The following TRPM7 variants were observed in gnomAD, a reference collection of about 807,000 sequenced individuals.
The protein encoded by TRPM7 is transient receptor potential cation channel subfamily M member 7, also known as LTRPC ion channel family member 7.
In TRPM7, 134 loss-of-function variants were observed where a neutral mutation model predicts 229.7. The ratio of observed to expected loss-of-function variants is 0.58; its 90% CI spans 0.51 to 0.67. The LOEUF is 0.67. Ranked by LOEUF, TRPM7 falls within the 30% of genes least tolerant of loss-of-function variation. The pLI, the probability that TRPM7 is intolerant of heterozygous loss-of-function variation, is 0.00. For synonymous variants in TRPM7, 699 were observed against 715.2 expected (o/e 0.98, Z 0.36); for missense variants, 1,901 against 2,210.0 (o/e 0.86, Z 2.80).
intron 26 of TRPM7, among the ~76,000 whole-genome samples, chr15:50,591,280 T>C (rs948094264): frequency 6.6e-6 from 1 of 152,220 alleles, no homozygotes; most frequent in African/African-American, 2.4e-5. Context: ...GTCATCTATT[T>C]ATAGGGCACT....
At chr15:50,677,483 A>G (rs2140973115) in intron 1 of TRPM7, among the ~76,000 whole-genome samples, 1 of 152,116 alleles carries the variant, frequency 6.6e-6, no homozygotes, top group Non-Finnish European at 1.5e-5. Flanking sequence ...GCTCACACCT[A>G]TAATCCCAGC....
chr15:50,588,245 C>T lies in TRPM7; in HGVS notation c.4389+1347G>A, dbSNP rs914631423. The T allele has an allele frequency of 1.6e-5, 16 of 984,794 alleles. No individual in the cohort carries two copies. The African/African-American group carries it at 2.8e-4, about 17-fold the overall frequency. 61.0% of individuals were successfully genotyped at this position (984,794 alleles called of 1,614,324 possible). A position where few individuals can be genotyped will look rare whatever the true frequency, so the allele number is the denominator to read the frequency against. On this transcript the variant is annotated intron_variant, in intron 27 of 38. Coordinates refer to ENST00000646667, the MANE Select transcript of TRPM7 (RefSeq NM_017672.6). The stretch of plus-strand genomic sequence containing the variant: ...TAATCACATTTCTTACATCATTCTG[C>T]TGCTCCTATTTGAGGTAAGAAAATT...
In TRPM7 at chr15:50,604,717, CTT is replaced by C. The variant is rs2140434303; in HGVS notation, c.2988+147_2988+148del. 5.3e-6 allele frequency: 4 copies of C among 753,252 alleles called. No individual in the cohort carries two copies. In the South Asian group the frequency reaches 6.1e-5, roughly 11 times the overall value. The allele number at this position is 753,252 out of a possible 1,614,324, so 46.7% of individuals were successfully genotyped here. On this transcript the variant is annotated intron_variant, in intron 21 of 38. Coordinates refer to ENST00000646667, the MANE Select transcript of TRPM7 (RefSeq NM_017672.6). ...GGATTGGGATTGAGCATGAGAAACTCTTAAGGAATGGCAGATGTGAAGTATGA... is the reference window on the plus strand; with the variant it reads ...GGATTGGGATTGAGCATGAGAAACTCAAGGAATGGCAGATGTGAAGTATGA...
chr15:50,619,763 A>G lies in TRPM7; in HGVS notation c.1476T>C (p.Leu492=), dbSNP rs745813131. 1 of 1,597,422 alleles carries G rather than the reference A, an allele frequency of 6.3e-7. No individual in the cohort carries two copies. Among genetic ancestry groups the G allele is most frequent in the Non-Finnish European group, 8.5e-7 (1 of 1,175,136 alleles). ...CTCTTACCTGTTTGACGTCTCGAACAAGATGAAACAGCATTGGATTAGTTG... is the reference window on the plus strand; with the variant it reads ...CTCTTACCTGTTTGACGTCTCGAACGAGATGAAACAGCATTGGATTAGTTG... The part of the protein sequence containing the change: ...QGPTNPMLFH[L]VRDVKQGNLP... Residue 492 remains leucine (L), a synonymous_variant, in exon 13 of 39, where the codon CTT becomes CTC. Transcript: ENST00000646667.
chr15:50,641,154 T>G (rs956002408), intron 5 of TRPM7, among the ~76,000 whole-genome samples: 1 of 152,166 alleles, frequency 6.6e-6, no homozygotes, highest in Non-Finnish European at 1.5e-5. Context: ...CCGAGTGATC[T>G]TTGCAGCTGT....
intron 27 of TRPM7, among the ~76,000 whole-genome samples, chr15:50,589,384 T>C (rs1489154987): frequency 1.3e-5 from 2 of 151,260 alleles, no homozygotes; most frequent in South Asian, 2.1e-4. Flanking sequence ...TTAGTGAGTA[T>C]AATTACGCAA....
chr15:50,669,022 A>T (rs1056139283), intron 1 of TRPM7, among the ~76,000 whole-genome samples: 1 of 152,170 alleles, frequency 6.6e-6, no homozygotes, highest in African/African-American at 2.4e-5. Flanking sequence ...CTGACCTGTG[A>T]TAAGTTAAGA....
chr15:50,651,644 A>G (rs1596308241), intron 3 of TRPM7, among the ~76,000 whole-genome samples: 1 of 152,066 alleles, frequency 6.6e-6, no homozygotes, highest in East Asian at 1.9e-4. Flanking sequence ...CGAAAAAATT[A>G]AAGAAAAAAT....
Position 50,574,356 on chromosome 15 carries a change from A to G in TRPM7, c.5226T>C (p.Asn1742=). Residue 1742 remains asparagine (N), a synonymous_variant, in exon 36 of 39, where the codon AAT becomes AAC. Transcript: ENST00000646667. ...AGGCTAGCATGATCTCTTCCAGAGT[A>G]TTAGTTGGAATAATCTCATCTCCAT... is the stretch of plus-strand genomic sequence containing the variant. The part of the protein sequence containing the change: ...NNNGDEIIPT[N]TLEEIMLAFS... The G allele has an allele frequency of 6.2e-7, 1 of 1,613,998 alleles. No homozygotes were observed. Among genetic ancestry groups the G allele is most frequent in the East Asian group, 2.2e-5 (1 of 44,856 alleles).
chr15:50,618,834 A>C (rs2060306918), intron 13 of TRPM7, among the ~76,000 whole-genome samples: 1 of 152,062 alleles, frequency 6.6e-6, no homozygotes, highest in African/African-American at 2.4e-5. Context: ...GTCCATAGGT[A>C]CCCATTGTCT....
At chr15:50,576,007 G>T in intron 31 of TRPM7, 88 bp from the exon 32 acceptor site, 2 of 1,352,568 alleles carry the variant, frequency 1.5e-6, no homozygotes, top group South Asian at 1.3e-5. Flanking sequence ...AAATCATTTT[G>T]AATTTCCATA....
At chr15:50,603,561 T>C (rs1040232976) in intron 21 of TRPM7, among the ~76,000 whole-genome samples, 1 of 146,930 alleles carries the variant, frequency 6.8e-6, no homozygotes, top group African/African-American at 2.5e-5. Flanking sequence ...GAACATGCGG[T>C]GTTTGGTTTT....
At chr15:50,566,534 A>AAGT (rs1464057546) in intron 38 of TRPM7, among the ~76,000 whole-genome samples, 1 of 152,110 alleles carries the variant, frequency 6.6e-6, no homozygotes, top group African/African-American at 2.4e-5. Flanking sequence ...TGACTCTACT[A>AAGT]AAAGTAACAA....
rs779728122 is a variant in TRPM7 at position 50,605,045 on chromosome 15, T to C, written c.2809A>G (p.Ile937Val). Residue 937 changes from isoleucine (I) to valine (V), a missense_variant, in exon 21 of 39, where the codon ATT becomes GTT. This residue lies in a region of TRPM7 where 207 missense variants were observed against 241.5 expected (regional missense o/e 0.86). Coordinates refer to ENST00000646667, the MANE Select transcript of TRPM7 (RefSeq NM_017672.6). ...SDTIAIISFF[I>V]GFGLRFGAKW... is the part of the protein sequence containing the mutation. ...GCTCCAAATCTTAGTCCAAATCCAA[T>C]GAAGAAAGAAATTATGGCAATTGTA... The C allele has an allele frequency of 3.7e-6, 6 of 1,613,868 alleles. No individual in the cohort carries two copies. In the South Asian group the frequency reaches 6.6e-5, roughly 18 times the overall value.
At chr15:50,603,170 T>C (rs1279630496) in intron 21 of TRPM7, among the ~76,000 whole-genome samples, 1 of 152,162 alleles carries the variant, frequency 6.6e-6, no homozygotes, top group Non-Finnish European at 1.5e-5. Flanking sequence ...GGAAGACACA[T>C]TCTCTTGGAG....
intron 38 of TRPM7, 150 bp from the exon 39 acceptor site, chr15:50,561,958 G>A (rs1029079001): frequency 9.6e-6 from 7 of 728,020 alleles, no homozygotes; most frequent in Middle Eastern, 8.4e-4. Context: ...GCAATGGCGC[G>A]ATCTCGGTTC....
intron 21 of TRPM7, among the ~76,000 whole-genome samples, chr15:50,602,854 GAA>G (rs1400362474): frequency 6.6e-6 from 1 of 152,188 alleles, no homozygotes; most frequent in African/African-American, 2.4e-5. Context: ...CTGACAAGGA[GAA>G]AGACATCCTA....
At chr15:50,659,050 T>G (rs895671828) in intron 2 of TRPM7, among the ~76,000 whole-genome samples, 6 of 151,948 alleles carry the variant, frequency 3.9e-5, no homozygotes, top group African/African-American at 1.5e-4. Flanking sequence ...TACAAAAAAT[T>G]AGCCAGATGT....
intron 30 of TRPM7, 41 bp from the exon 31 acceptor site, chr15:50,578,705 A>G: frequency 6.8e-7 from 1 of 1,466,940 alleles, no homozygotes. Flanking sequence ...CTGTGCTATG[A>G]TTTAAGTTTT....
Sources: gnomAD v4.1 joint callset for allele counts (sites outside exome capture counted in the v4.1 genomes callset) on GRCh38, gnomAD v4.1.1 for gene constraint, gnomAD v4.1.1 regional missense constraint, MANE v1.5 for transcripts, NCBI Gene and HGNC (gene_info 2026-07-23, HGNC 2026-07-21) for gene names.